BBOX1: variants seen among roughly 807,000 people sequenced by gnomAD.
BBOX1 encodes the protein gamma-butyrobetaine dioxygenase.
In BBOX1, 35 loss-of-function variants were observed where a neutral mutation model predicts 41.6. The observed-to-expected ratio is 0.84, with a 90% confidence interval of 0.64 to 1.11. BBOX1 has a LOEUF of 1.11. Among genes scored for constraint, BBOX1 ranks in the 50% most tolerant of loss-of-function variants. The pLI is 0.00. For missense variants in BBOX1, 458 were observed against 460.6 expected (o/e 0.99, Z 0.05); for synonymous variants, 163 against 154.7 (o/e 1.05, Z -0.40).
At chr11:27,053,727 T>C (rs2133956914) in intron 2 of BBOX1, among the ~76,000 whole-genome samples, 2 of 152,314 alleles carry the variant, frequency 1.3e-5, no homozygotes, top group East Asian at 3.9e-4. Flanking sequence ...TGTTAGGACT[T>C]CCATAATGCT....
intron 4 of BBOX1, among the ~76,000 whole-genome samples, chr11:27,078,942 A>C (rs189025018): frequency 2.2e-3 from 332 of 152,334 alleles, no homozygotes; most frequent in Non-Finnish European, 3.8e-3. Flanking sequence ...TACTTAGCAC[A>C]GTGTCTGGCA....
rs1379396757 is a variant in BBOX1, at chr11:27,093,240, A to C, written c.407A>C (p.His136Pro). The stretch of plus-strand genomic sequence containing the variant: ...GAAGATGTTTTAAGATATGATGAAC[A>C]CGCATACAAGTGGCTCTCCACCCTC... ...DFEDVLRYDE[H>P]AYKWLSTLKK... is the part of the protein sequence containing the mutation. The change falls in exon 5 of 9, where the codon CAC becomes CCC. Residue 136 changes from histidine (H) to proline (P), a missense_variant. Physicochemically the swap from His to Pro is moderately conservative, Grantham distance 77. Coordinates refer to ENST00000263182, the MANE Select transcript of BBOX1 (RefSeq NM_003986.3). The C allele has an allele frequency of 6.2e-7, 1 of 1,612,542 alleles. No individual in the cohort carries two copies. The highest frequency in any genetic ancestry group is 1.7e-5 in the Admixed American group (1 of 59,826).
At position 27,127,466 on chromosome 11, in the gene BBOX1, A is replaced by C. The variant is rs1484281851; in HGVS notation, c.*13A>C. On this transcript the variant is annotated 3_prime_UTR_variant, in exon 9 of 9. Transcript: ENST00000263182. Reference sequence around the variant, plus strand: ...GAATGGAAACTGAAGTCACCTGTAGATAATTTTAATAAGATTCCAATGACC... The same window carrying C: ...GAATGGAAACTGAAGTCACCTGTAGCTAATTTTAATAAGATTCCAATGACC... 6 of 1,588,006 alleles carry C rather than the reference A, an allele frequency of 3.8e-6. 1 individual carries two copies. The African/African-American group carries it at 8.2e-5, about 22-fold the overall frequency.
Position 27,041,391 on chromosome 11 carries a change from G to A in BBOX1, c.-126G>A, listed in dbSNP as rs546515377. 1 of 152,210 alleles carries A rather than the reference G, an allele frequency of 6.6e-6. No individual in the cohort carries two copies. The highest frequency in any genetic ancestry group is 2.1e-4 in the South Asian group (1 of 4,810). 9.4% of individuals were successfully genotyped at this position (152,210 alleles called of 1,614,324 possible). A position where few individuals can be genotyped will look rare whatever the true frequency, so the allele number is the denominator to read the frequency against. On this transcript the variant is annotated 5_prime_UTR_variant, in exon 2 of 9. Transcript: ENST00000263182. ...AAGTACCACATCAGATTGGAAACTG[G>A]GGACAGATCATTCCTGGGATGTGAC...
At chr11:27,077,191 C>G (rs1417782281) in intron 4 of BBOX1, among the ~76,000 whole-genome samples, 1 of 152,140 alleles carries the variant, frequency 6.6e-6, no homozygotes, top group Admixed American at 6.5e-5. Context: ...AGACTTCTGT[C>G]AGGTACCCTG....
At chr11:27,090,592 G>A (rs1858209123) in intron 4 of BBOX1, among the ~76,000 whole-genome samples, 1 of 151,884 alleles carries the variant, frequency 6.6e-6, no homozygotes, top group South Asian at 2.1e-4. Context: ...ACTGATAAGG[G>A]TCTATTTTCA....
intron 2 of BBOX1, among the ~76,000 whole-genome samples, chr11:27,052,169 A>G (rs1590166262): frequency 6.6e-6 from 1 of 152,102 alleles, no homozygotes; most frequent in South Asian, 2.1e-4. Flanking sequence ...TCATAAAATG[A>G]TATTTCATAC....
At chr11:27,048,054 A>G (rs1851542911) in intron 2 of BBOX1, among the ~76,000 whole-genome samples, 1 of 152,180 alleles carries the variant, frequency 6.6e-6, no homozygotes, top group African/African-American at 2.4e-5. Context: ...TGAAATAATT[A>G]CCACAATCAA....
intron 4 of BBOX1, among the ~76,000 whole-genome samples, chr11:27,091,775 G>A (rs1033551274): frequency 1.9e-4 from 29 of 151,906 alleles, no homozygotes; most frequent in Non-Finnish European, 3.4e-4. Context: ...GTAAGTCACC[G>A]AGGCCTGTGG....
intron 5 of BBOX1, among the ~76,000 whole-genome samples, chr11:27,113,747 C>G (rs1423625202): frequency 6.6e-6 from 1 of 151,388 alleles, no homozygotes; most frequent in Non-Finnish European, 1.5e-5. Context: ...TGTACATAAA[C>G]CCCTGTGACA....
chr11:27,121,543 G>C (rs1859464458), intron 7 of BBOX1, among the ~76,000 whole-genome samples: 1 of 152,160 alleles, frequency 6.6e-6, no homozygotes, highest in Non-Finnish European at 1.5e-5. Context: ...TGAGTGGCTA[G>C]AGTGACAGCA....
At chr11:27,061,184 AG>A (rs2133972706) in intron 4 of BBOX1, among the ~76,000 whole-genome samples, 1 of 152,288 alleles carries the variant, frequency 6.6e-6, no homozygotes, top group South Asian at 2.1e-4. Flanking sequence ...GCATTGTAAA[AG>A]GATATGGACA....
At chr11:27,078,356 G>A (rs1000946805) in intron 4 of BBOX1, among the ~76,000 whole-genome samples, 10 of 151,832 alleles carry the variant, frequency 6.6e-5, no homozygotes, top group Non-Finnish European at 1.5e-4. Flanking sequence ...AAGTTTTGAG[G>A]TACATGTGCA....
At chr11:27,119,481 A>G (rs1383052127) in intron 6 of BBOX1, among the ~76,000 whole-genome samples, 168 bp from the exon 7 acceptor site, 1 of 152,054 alleles carries the variant, frequency 6.6e-6, no homozygotes, top group Non-Finnish European at 1.5e-5. Context: ...GACAAAAAAA[A>G]AAGTTTATTG....
Position 27,040,943 on chromosome 11 carries a change from T to A in BBOX1, c.-387T>A, listed in dbSNP as rs1287468234. 6.6e-6 allele frequency: 1 copy of A among 152,188 alleles called. No individual in the cohort carries two copies. Among genetic ancestry groups the A allele is most frequent in the Non-Finnish European group, 1.5e-5 (1 of 68,040 alleles). 9.4% of individuals were successfully genotyped at this position (152,188 alleles called of 1,614,324 possible). ...AGTGAGTTGTGCAATAAATGAGCTGTCACTCTGAACAGGTGGGAAAGAAGT... is the reference window on the plus strand; with the variant it reads ...AGTGAGTTGTGCAATAAATGAGCTGACACTCTGAACAGGTGGGAAAGAAGT... On this transcript the variant is annotated 5_prime_UTR_variant, in exon 1 of 9. It introduces an in-frame stop codon into an upstream open reading frame of the 5' UTR. Coordinates refer to ENST00000263182, the MANE Select transcript of BBOX1 (RefSeq NM_003986.3).
At chr11:27,078,460 A>G (rs983743252) in intron 4 of BBOX1, among the ~76,000 whole-genome samples, 1 of 152,064 alleles carries the variant, frequency 6.6e-6, no homozygotes, top group Admixed American at 6.5e-5. Context: ...TCCTAATGCT[A>G]TCCTTCCCCT....
chr11:27,098,611 T>C (rs1461093734), intron 5 of BBOX1, among the ~76,000 whole-genome samples: 1 of 152,074 alleles, frequency 6.6e-6, no homozygotes, highest in Non-Finnish European at 1.5e-5. Context: ...TCTGGTAAGA[T>C]AATATTGAGA....
At chr11:27,057,675 C>A (rs555943204) in intron 4 of BBOX1, among the ~76,000 whole-genome samples, 41 of 152,006 alleles carry the variant, frequency 2.7e-4, no homozygotes, top group African/African-American at 8.9e-4. Flanking sequence ...TGTCTAAGGC[C>A]AGAACAACAC....
intron 5 of BBOX1, among the ~76,000 whole-genome samples, chr11:27,101,676 C>A (rs1858663562): frequency 6.6e-6 from 1 of 151,934 alleles, no homozygotes; most frequent in Admixed American, 6.6e-5. Context: ...AATAAATGTA[C>A]AACAAAGATT....
Sources: allele counts gnomAD v4.1 joint callset (sites outside exome capture counted in the v4.1 genomes callset), GRCh38; gene constraint gnomAD v4.1.1; transcripts MANE v1.5; gene names NCBI Gene and HGNC (gene_info 2026-07-23, HGNC 2026-07-21).